Variants in SLC4A4 observed in about 807,000 individuals in gnomAD.
SLC4A4 encodes electrogenic sodium bicarbonate cotransporter 1.
Under a neutral mutation model 111.5 loss-of-function variants are expected in SLC4A4, and 27 were observed. That is an observed-to-expected ratio of 0.24 (90% confidence interval 0.18 to 0.33). The LOEUF (loss-of-function observed/expected upper bound fraction) is 0.33. SLC4A4 is among the 10% of genes least tolerant of loss of function. The pLI, the probability that SLC4A4 is intolerant of heterozygous loss-of-function variation, is 1.00. For synonymous variants in SLC4A4, 443 were observed against 463.4 expected, an observed-to-expected ratio of 0.96 and a Z score of 0.57; for missense variants, 909 against 1,315.5, an observed-to-expected ratio of 0.69 and a Z score of 4.78.
At chr4:71,410,402 G>A (rs1042853836) in intron 7 of SLC4A4, among the ~76,000 whole-genome samples, 1 of 152,200 alleles carries the variant, frequency 6.6e-6, no homozygotes, top group African/African-American at 2.4e-5. Context: ...TGGAGTCAGA[G>A]GAGATCATTT....
At chr4:71,405,351 T>TATAAATA (rs1720747545) in intron 7 of SLC4A4, among the ~76,000 whole-genome samples, 1 of 152,154 alleles carries the variant, frequency 6.6e-6, no homozygotes, top group South Asian at 2.1e-4. Context: ...TATATTTCTA[T>TATAAATA]ATAAATAATA....
At chr4:71,458,991 A>G (rs1726553076) in intron 12 of SLC4A4, among the ~76,000 whole-genome samples, 2 of 152,024 alleles carry the variant, frequency 1.3e-5, no homozygotes, top group South Asian at 4.1e-4. Context: ...GTAAAAATAA[A>G]TAGACATATT....
chr4:71,096,070 G>C (rs1742537592), intron 2 of SLC4A4, among the ~76,000 whole-genome samples: 1 of 152,146 alleles, frequency 6.6e-6, no homozygotes, highest in African/African-American at 2.4e-5. Context: ...GATATAGGCA[G>C]GCATGAGGAA....
At chr4:71,245,066 T>C (rs1205084091) in intron 2 of SLC4A4, among the ~76,000 whole-genome samples, 2 of 152,068 alleles carry the variant, frequency 1.3e-5, no homozygotes, top group Admixed American at 1.3e-4. Flanking sequence ...AGGAATTTGC[T>C]AGGTGAAGAA....
At chr4:71,335,703 T>C (rs1728379112) in intron 3 of SLC4A4, among the ~76,000 whole-genome samples, 1 of 152,020 alleles carries the variant, frequency 6.6e-6, no homozygotes, top group Non-Finnish European at 1.5e-5. Context: ...TGGGTGCCTG[T>C]AGTCCCAGCT....
At chr4:71,287,055 A>T (rs1723972155) in intron 3 of SLC4A4, among the ~76,000 whole-genome samples, 1 of 152,072 alleles carries the variant, frequency 6.6e-6, no homozygotes, top group African/African-American at 2.4e-5. Flanking sequence ...CACTCTGGGT[A>T]TTGTTAAGGC....
At chr4:71,132,518 T>C (rs1743734656) in intron 2 of SLC4A4, among the ~76,000 whole-genome samples, 1 of 152,200 alleles carries the variant, frequency 6.6e-6, no homozygotes, top group Non-Finnish European at 1.5e-5. Context: ...CTTAATGCTT[T>C]TTCCTAAGTG....
chr4:71,278,530 C>A (rs1306100345), intron 3 of SLC4A4, among the ~76,000 whole-genome samples: 1 of 152,182 alleles, frequency 6.6e-6, no homozygotes, highest in Non-Finnish European at 1.5e-5. Flanking sequence ...ATACTGTTTT[C>A]CATAATGGCT....
chr4:71,330,389 T>C lies in SLC4A4; in HGVS notation c.254-8981T>C, dbSNP rs144175545. 7.6e-4 allele frequency among the ~76,000 whole-genome samples: 116 copies of C among 152,226 alleles called. 2 individuals are homozygous for C. The highest frequency in any genetic ancestry group is 2.9e-3 in the Admixed American group (45 of 15,286). ...GTTTTGGGTAGGTAAAACAGAGATA[T>C]AGACCAATGGAACAGAACAGAGCCC... is the stretch of plus-strand genomic sequence containing the variant. On this transcript the variant is annotated intron_variant, in intron 3 of 25. Coordinates refer to ENST00000264485, the MANE Select transcript of SLC4A4 (RefSeq NM_001098484.3).
At chr4:71,144,069 T>G (rs1744091294) in intron 2 of SLC4A4, among the ~76,000 whole-genome samples, 1 of 152,268 alleles carries the variant, frequency 6.6e-6, no homozygotes, top group South Asian at 2.1e-4. Flanking sequence ...CCAGGGTTTT[T>G]ATGGTTTTAG....
intron 3 of SLC4A4, among the ~76,000 whole-genome samples, chr4:71,267,791 C>CAAAAA (rs71212002): frequency 1.8e-4 from 11 of 62,362 alleles, no homozygotes; most frequent in African/African-American, 7.8e-4. Flanking sequence ...GAGAGTCTGC[C>CAAAAA]AAAAAAAAAA....
chr4:71,155,577 C>T (rs1043580340), intron 2 of SLC4A4, among the ~76,000 whole-genome samples: 3 of 152,144 alleles, frequency 2.0e-5, no homozygotes, highest in Non-Finnish European at 2.9e-5. Context: ...CTTCTCCCCC[C>T]ACAGCTTCCT....
intron 2 of SLC4A4, among the ~76,000 whole-genome samples, chr4:71,175,537 C>T (rs933897772): frequency 1.2e-4 from 19 of 152,234 alleles, no homozygotes; most frequent in Admixed American, 3.9e-4. Context: ...TTATATCCCG[C>T]GCGTGGCTTG....
rs146115336 is a variant in SLC4A4, at chr4:71,339,433, C to A, written c.317C>A (p.Pro106His). 3.7e-5 allele frequency: 59 copies of A among 1,614,030 alleles called. No individual in the cohort carries two copies. The highest frequency in any genetic ancestry group is 8.3e-5 in the Admixed American group (5 of 60,002). ...GAGGAGGATGACAGCCCAGCTCCCCCTCAGCTCTTCACGGAACTGGATGAG... is the reference window on the plus strand; with the variant it reads ...GAGGAGGATGACAGCCCAGCTCCCCATCAGCTCTTCACGGAACTGGATGAG... ...LGEEDDSPAP[P>H]QLFTELDELL... Residue 106 changes from proline (P) to histidine (H), a missense_variant, in exon 4 of 26, where the codon CCT (proline) becomes CAT (histidine). By Grantham distance (77) the Pro-to-His change is moderately conservative. This residue lies in a region of SLC4A4 where 117 missense variants were observed against 154.2 expected (regional missense o/e 0.76). Coordinates refer to ENST00000264485, the MANE Select transcript of SLC4A4 (RefSeq NM_001098484.3).
chr4:71,260,048 C>A (rs1478837995), intron 3 of SLC4A4, among the ~76,000 whole-genome samples: 1 of 152,074 alleles, frequency 6.6e-6, no homozygotes, highest in African/African-American at 2.4e-5. Flanking sequence ...TTGTGGTATT[C>A]TTTTTTAGCT....
rs769213971 is a variant in SLC4A4, at chr4:71,566,991, T to A, written c.3197-13T>A. Reference sequence around the variant, plus strand: ...ATCTACCATTTATGTTTTTAAAAAATTTTATTTTCCAGGAGAAAGATCACC... The same window carrying A: ...ATCTACCATTTATGTTTTTAAAAAAATTTATTTTCCAGGAGAAAGATCACC... On this transcript the variant is annotated splice_polypyrimidine_tract_variant and intron_variant, in intron 24 of 25. Coordinates refer to ENST00000264485, the MANE Select transcript of SLC4A4 (RefSeq NM_001098484.3). 1.8e-5 allele frequency: 29 copies of A among 1,606,946 alleles called. No homozygotes were observed. Among genetic ancestry groups the A allele is most frequent in the Non-Finnish European group, 2.5e-5 (29 of 1,175,466 alleles).
At chr4:71,103,116 CA>C (rs1183200951) in intron 2 of SLC4A4, among the ~76,000 whole-genome samples, 2 of 151,738 alleles carry the variant, frequency 1.3e-5, no homozygotes, top group African/African-American at 4.8e-5. Context: ...GCAGGGGTTG[CA>C]ATCCTAGTTT....
intron 6 of SLC4A4, among the ~76,000 whole-genome samples, chr4:71,374,027 C>G (rs772990239): frequency 2.8e-4 from 42 of 152,314 alleles, no homozygotes; most frequent in South Asian, 8.3e-4. Context: ...ATATGTTTCA[C>G]TAGCAGATTT....
At chr4:71,554,765 A>G (rs955013901) in intron 20 of SLC4A4, among the ~76,000 whole-genome samples, 5 of 151,842 alleles carry the variant, frequency 3.3e-5, no homozygotes, top group East Asian at 3.9e-4. Context: ...GCAACCATCT[A>G]TTAATACCTC....
Sources: gnomAD v4.1 joint callset for allele counts (sites outside exome capture counted in the v4.1 genomes callset) on GRCh38, gnomAD v4.1.1 for gene constraint, gnomAD v4.1.1 regional missense constraint, MANE v1.5 for transcripts, NCBI Gene and HGNC (gene_info 2026-07-23, HGNC 2026-07-21) for gene names.